Variants in MYH15 observed in about 807,000 individuals in gnomAD.
MYH15 encodes the protein myosin heavy chain 15, also known as myosin-15.
MYH15 carries 227 observed loss-of-function variants against 240.5 expected under a neutral mutation model. The observed-to-expected ratio is 0.94, with a 90% CI of 0.85 to 1.05. MYH15 has a LOEUF of 1.05. Ranked by LOEUF, MYH15 falls within the 50% of genes least tolerant of loss-of-function variation. The probability of loss-of-function intolerance (pLI) is 0.00; values close to 1 mark genes in which losing one functional copy is unlikely to be tolerated. For synonymous variants in MYH15, 785 were observed against 796.7 expected (o/e 0.99, Z 0.25); for missense variants, 2,217 against 2,247.5 (o/e 0.99, Z 0.27).
At chr3:108,514,488 C>A (rs372857628), upstream of MYH15, among the ~76,000 whole-genome samples, 1 of 152,022 alleles carries the variant, frequency 6.6e-6, no homozygotes, top group Non-Finnish European at 1.5e-5. Context: ...CTGTAATTGC[C>A]CATGTTAGGC....
intron 12 of MYH15, 83 bp from the exon 13 acceptor site, chr3:108,470,930 C>T: frequency 7.1e-7 from 1 of 1,408,678 alleles, no homozygotes; most frequent in South Asian, 1.4e-5. Flanking sequence ...CAACTGCCTT[C>T]TAGTCAAATT....
In MYH15 at chr3:108,470,046, T is replaced by C; in HGVS notation, c.1550A>G (p.Glu517Gly). ...AAAGAGAAAAACATATATTACCTTC[T>C]CAATGAGATCTATGCAAGCTTGCAA... ...LDLQACIDLIEKPMGILSILE... is the reference protein window; with the variant it reads ...LDLQACIDLIGKPMGILSILE... Residue 517 changes from glutamate (E) to glycine (G), a missense_variant, in exon 14 of 41, where the codon GAG (glutamate) becomes GGG (glycine). Coordinates refer to ENST00000693548, the MANE Select transcript of MYH15 (RefSeq NM_014981.3). 1 of 1,590,822 alleles carries C rather than the reference T, an allele frequency of 6.3e-7. No individual in the cohort carries two copies. The highest frequency in any genetic ancestry group is 2.3e-5 in the East Asian group (1 of 44,316).
chr3:108,534,097 A>C (rs919726090), upstream of MYH15, among the ~76,000 whole-genome samples: 2 of 152,182 alleles, frequency 1.3e-5, no homozygotes, highest in African/African-American at 4.8e-5. Flanking sequence ...TCTTGTCATT[A>C]ATCTAAGGAG....
intron 29 of MYH15, among the ~76,000 whole-genome samples, chr3:108,416,204 G>T (rs2082631496): frequency 6.7e-6 from 1 of 149,690 alleles, no homozygotes; most frequent in African/African-American, 2.4e-5. Flanking sequence ...TCAACTACCT[G>T]TGTTTTCACA....
intron 5 of MYH15, among the ~76,000 whole-genome samples, chr3:108,498,562 T>C (rs906650671): frequency 2.0e-5 from 3 of 152,184 alleles, no homozygotes; most frequent in South Asian, 4.1e-4. Flanking sequence ...CACCAGGCAG[T>C]TGGGCTTTAG....
Position 108,469,993 on chromosome 3 carries a change from G to T in MYH15, c.1554+49C>A, listed in dbSNP as rs1220716333. ...TGACATGGATCAACATAGCAGGCAG[G>T]GACAATTCTCCCGAAATGAAAATGG... On this transcript the variant is annotated intron_variant, in intron 14 of 40. Coordinates refer to ENST00000693548, the MANE Select transcript of MYH15 (RefSeq NM_014981.3). 3.8e-6 allele frequency: 6 copies of T among 1,558,936 alleles called. No homozygotes were observed. The East Asian group carries it at 1.4e-4, about 36-fold the overall frequency.
intron 12 of MYH15, among the ~76,000 whole-genome samples, chr3:108,471,965 C>T (rs1348745888): frequency 1.3e-5 from 2 of 152,214 alleles, no homozygotes; most frequent in African/African-American, 4.8e-5. Context: ...GCAACATCTT[C>T]ATCTGAAAAA....
intron 28 of MYH15, among the ~76,000 whole-genome samples, chr3:108,418,867 C>T (rs2082658244): frequency 6.6e-6 from 1 of 152,206 alleles, no homozygotes; most frequent in Non-Finnish European, 1.5e-5. Context: ...TCTCCTGCCT[C>T]AGCCTCCCAA....
chr3:108,411,538 T>C (rs1284440058), intron 30 of MYH15, among the ~76,000 whole-genome samples: 2 of 152,188 alleles, frequency 1.3e-5, no homozygotes, highest in African/African-American at 2.4e-5. Context: ...TCTTATGGGG[T>C]TTTTTAGCCC....
chr3:108,388,561 G>A (rs547492894), intron 38 of MYH15, among the ~76,000 whole-genome samples: 8 of 152,122 alleles, frequency 5.3e-5, no homozygotes, highest in African/African-American at 1.7e-4. Context: ...AATGCCCCCC[G>A]CTGCAATTGA....
intron 35 of MYH15, among the ~76,000 whole-genome samples, chr3:108,395,899 A>C (rs975646613): frequency 6.6e-6 from 1 of 152,130 alleles, no homozygotes; most frequent in African/African-American, 2.4e-5. Flanking sequence ...GTCCTTGTGA[A>C]TAATATCACC....
intron 13 of MYH15, 48 bp from the exon 14 acceptor site, chr3:108,470,260 G>A (rs952810085): frequency 5.8e-6 from 8 of 1,373,496 alleles, no homozygotes; most frequent in South Asian, 3.0e-5. Context: ...ATAAAATTGA[G>A]GTCCACTTTC....
At position 108,444,875 on chromosome 3, in the gene MYH15, T is replaced by C. The variant is rs1427856299; in HGVS notation, c.2420A>G (p.Gln807Arg). ...LEERDALILI[Q>R]WNIRAFMAVK... ...AGCCATGAAAGCTCTTATGTTCCAT[T>C]GGATCAAAATAAGTGCATCCCTAAA... The change falls in exon 22 of 41, where the codon CAA (glutamine) becomes CGA (arginine). Residue 807 changes from glutamine to arginine, a missense_variant. Physicochemically the swap from Gln to Arg is conservative, Grantham distance 43 (BLOSUM62 1). Coordinates refer to ENST00000693548, the MANE Select transcript of MYH15 (RefSeq NM_014981.3). 6.2e-7 allele frequency: 1 copy of C among 1,612,228 alleles called. No individual in the cohort carries two copies. Among genetic ancestry groups the C allele is most frequent in the African/African-American group, 1.3e-5 (1 of 74,728 alleles).
intron 1 of MYH15, among the ~76,000 whole-genome samples, chr3:108,524,040 GATTTT>G (rs144468181): frequency 0.019 from 2,907 of 152,000 alleles, 100 homozygotes; most frequent in African/African-American, 0.067. Flanking sequence ...CATTACTCAT[GATTTT>G]ATTTATTTGA....
intron 14 of MYH15, among the ~76,000 whole-genome samples, chr3:108,466,689 T>C (rs1179891230): frequency 6.6e-6 from 1 of 152,184 alleles, no homozygotes; most frequent in Admixed American, 6.5e-5. Context: ...TAGGATTCTA[T>C]TGTCACGTCA....
intron 5 of MYH15, 140 bp downstream of exon 5, chr3:108,499,315 T>A: frequency 1.2e-6 from 1 of 867,898 alleles, no homozygotes; most frequent in Non-Finnish European, 1.8e-6. Context: ...GAGTATCTTT[T>A]TCTTACCTCA....
rs75737575 is a variant in MYH15, at chr3:108,403,892, G to C, written c.4736+1446C>G. 3.9e-5 allele frequency among the ~76,000 whole-genome samples: 6 copies of C among 152,010 alleles called. No homozygotes were observed. In the East Asian group the frequency reaches 1.2e-3, roughly 29 times the overall value. ...TGCTCTACGACATTCAGATGTAGCT[G>C]ACGAGACACAGGCTCTCTGAGGATT... On this transcript the variant is annotated intron_variant, in intron 33 of 40. Coordinates refer to ENST00000693548, the MANE Select transcript of MYH15 (RefSeq NM_014981.3).
At chr3:108,484,408 G>C (rs1355792075) in intron 11 of MYH15, among the ~76,000 whole-genome samples, 1 of 152,042 alleles carries the variant, frequency 6.6e-6, no homozygotes, top group Non-Finnish European at 1.5e-5. Flanking sequence ...AATTCCAAGG[G>C]CCTTAGTTCA....
the MYH15 span, among the ~76,000 whole-genome samples, chr3:108,543,079 C>T: frequency 3.3e-5 from 5 of 152,056 alleles, no homozygotes; most frequent in Non-Finnish European, 5.9e-5. Flanking sequence ...TGAGGTTTCA[C>T]CATGTTGTCC....
Sources: allele counts gnomAD v4.1 joint callset (sites outside exome capture counted in the v4.1 genomes callset), GRCh38; gene constraint gnomAD v4.1.1; transcripts MANE v1.5; gene names NCBI Gene and HGNC (gene_info 2026-07-23, HGNC 2026-07-21).